AKAP11: variants seen among roughly 807,000 people sequenced by gnomAD.
AKAP11 encodes A-kinase anchor protein 11.
In AKAP11, 36 loss-of-function variants were observed where a neutral mutation model predicts 146.1. The observed-to-expected ratio is 0.25, with a 90% CI of 0.19 to 0.33. The LOEUF (loss-of-function observed/expected upper bound fraction) is 0.33. Among genes scored for constraint, AKAP11 ranks in the 10% least tolerant of loss-of-function variants. The pLI, the probability that AKAP11 is intolerant of heterozygous loss-of-function variation, is 1.00. For synonymous variants in AKAP11, 780 were observed against 786.5 expected (o/e 0.99, Z 0.14); for missense variants, 2,201 against 2,197.0 (o/e 1.00, Z -0.04).
chr13:42,299,588 T>C lies in AKAP11; in HGVS notation c.842T>C (p.Phe281Ser). The C allele has an allele frequency of 6.2e-7, 1 of 1,614,008 alleles. No homozygotes were observed. The highest frequency in any genetic ancestry group is 8.5e-7 in the Non-Finnish European group (1 of 1,179,892). ...TCAGAGCCTTGGACCCAAAGGAGTT[T>C]CTATAGGTCATCTAATGCTTCAGAT... is the stretch of plus-strand genomic sequence containing the variant. ...SISEPWTQRS[F>S]YRSSNASDKD... The change falls in exon 8 of 13, where the codon TTC becomes TCC. Residue 281 changes from phenylalanine to serine, a missense_variant. Around this residue, in one of 3 missense-constraint regions of AKAP11, gnomAD observed 331 missense variants for 347.4 expected, o/e 0.95. Transcript: ENST00000025301.
At chr13:42,317,863 T>C (rs540060913) in intron 12 of AKAP11, among the ~76,000 whole-genome samples, 175 bp downstream of exon 12, 1 of 152,286 alleles carries the variant, frequency 6.6e-6, no homozygotes, top group South Asian at 2.1e-4. Flanking sequence ...AGAGGCAGGT[T>C]CACCAGTCTG....
chr13:42,307,584 C>T (rs565660899), intron 8 of AKAP11, among the ~76,000 whole-genome samples: 40 of 151,986 alleles, frequency 2.6e-4, no homozygotes, highest in African/African-American at 8.2e-4. Flanking sequence ...TGGGAGTCAC[C>T]GAGAACAGAT....
At chr13:42,273,357 ATT>A (rs540410601) in intron 1 of AKAP11, among the ~76,000 whole-genome samples, 5 of 143,844 alleles carry the variant, frequency 3.5e-5, no homozygotes, top group African/African-American at 2.5e-5. Flanking sequence ...CAATTGAATG[ATT>A]TTTTTTTTTT....
chr13:42,305,471 G>A (rs146361164), intron 8 of AKAP11, among the ~76,000 whole-genome samples: 1 of 152,028 alleles, frequency 6.6e-6, no homozygotes, highest in East Asian at 1.9e-4. Context: ...GGGCCAATGT[G>A]GCCTACTGGT....
chr13:42,277,557 C>G (rs144032922), intron 1 of AKAP11, among the ~76,000 whole-genome samples: 1,546 of 152,290 alleles, frequency 0.01, 20 homozygotes, highest in Non-Finnish European at 0.016. Context: ...AATAATTTTT[C>G]TCTGTGACTG....
Position 42,299,379 on chromosome 13 carries a change from G to A in AKAP11, c.633G>A (p.Val211=), listed in dbSNP as rs1188582159. The change falls in exon 8 of 13, where the codon GTG becomes GTA. Residue 211 remains valine, a synonymous_variant. Transcript: ENST00000025301. ...TTCCTATAGGAATGAACATTACTGT[G>A]CTAAGGAGCCAGTGTGATGCTGCTT... The part of the protein sequence containing the change: ...KPYNDGMNIT[V]LRSQCDAASQ... The A allele has an allele frequency of 6.2e-7, 1 of 1,613,088 alleles. No homozygotes were observed.
intron 3 of AKAP11, among the ~76,000 whole-genome samples, chr13:42,286,629 A>G (rs957815665): frequency 6.6e-6 from 1 of 152,174 alleles, no homozygotes; most frequent in Non-Finnish European, 1.5e-5. Flanking sequence ...TTCTCTACAC[A>G]TAGATATCCA....
At position 42,302,795 on chromosome 13, in the gene AKAP11, T is replaced by C; in HGVS notation, c.4049T>C (p.Ile1350Thr). The C allele has an allele frequency of 1.2e-6, 2 of 1,614,096 alleles. No individual in the cohort carries two copies. The highest frequency in any genetic ancestry group is 1.1e-5 in the South Asian group (1 of 91,066). The change falls in exon 8 of 13, where the codon ATT (isoleucine) becomes ACT (threonine). Residue 1350 changes from isoleucine to threonine, a missense_variant. Ile to Thr is a moderately conservative substitution (Grantham distance 89). Transcript: ENST00000025301. Reference sequence around the variant, plus strand: ...ACAGATGAATATGCAGGTCACCTTATTCAGATACTAAAACAGGAAGGTGGT... The same window carrying C: ...ACAGATGAATATGCAGGTCACCTTACTCAGATACTAAAACAGGAAGGTGGT... ...SVTDEYAGHL[I>T]QILKQEGGNS...
chr13:42,314,030 A>G, intron 11 of AKAP11, 90 bp downstream of exon 11: 2 of 1,298,528 alleles, frequency 1.5e-6, no homozygotes, highest in South Asian at 1.2e-5. Context: ...GATAGGCTCT[A>G]GGTTATCAGT....
chr13:42,276,839 A>G (rs1183792241), intron 1 of AKAP11, among the ~76,000 whole-genome samples: 1 of 152,210 alleles, frequency 6.6e-6, no homozygotes, highest in Non-Finnish European at 1.5e-5. Flanking sequence ...TATATCTGTA[A>G]GAGCTACTTA....
chr13:42,301,668 TGGA>T lies in AKAP11; in HGVS notation c.2924_2926del (p.Gly975del), dbSNP rs1429399765. On this transcript the variant is annotated inframe_deletion, in exon 8 of 13. Coordinates refer to ENST00000025301, the MANE Select transcript of AKAP11 (RefSeq NM_016248.4). The stretch of plus-strand genomic sequence containing the variant: ...TATACAAGGAAAGCTTGCCTGTTTC[TGGA>T]GAAGAATCACAGTTGACACCAGAAA... The T allele has an allele frequency of 2.5e-6, 4 of 1,614,046 alleles. No homozygotes were observed. Among genetic ancestry groups the T allele is most frequent in the Admixed American group, 3.3e-5 (2 of 60,000 alleles).
Position 42,322,485 on chromosome 13 carries a change from A to AATATTTTTAAC in AKAP11, c.*3257_*3258insATATTTTTAAC, listed in dbSNP as rs1961129351. The AATATTTTTAAC allele has an allele frequency of 1.3e-5, 2 of 152,294 alleles. No individual in the cohort carries two copies. The highest frequency in any genetic ancestry group is 2.9e-5 in the Non-Finnish European group (2 of 67,986). 9.4% of individuals were successfully genotyped at this position (152,294 alleles called of 1,614,324 possible). A position where few individuals can be genotyped will look rare whatever the true frequency, so the allele number is the denominator to read the frequency against. ...AATATATTCAATTTCCCATCAGTAT[A>AATATTTTTAAC]TCACTTTAAATTTTATGTTTTTCTA... On this transcript the variant is annotated 3_prime_UTR_variant, in exon 13 of 13. Transcript: ENST00000025301.
rs1352175049 is a variant in AKAP11, at chr13:42,298,543, C to CT, written c.363dup (p.Gly122TrpfsTer16). The stretch of plus-strand genomic sequence containing the variant: ...TTTATCTTTCCCAAGAGTCATCCTT[C>CT]TGGAATGCTTTGTGTCATGAGAGTG... On this transcript the variant is annotated frameshift_variant, in exon 7 of 13. Coordinates refer to ENST00000025301, the MANE Select transcript of AKAP11 (RefSeq NM_016248.4). LOFTEE classifies it high-confidence loss of function. 1.9e-6 allele frequency: 3 copies of CT among 1,606,652 alleles called. No individual in the cohort carries two copies. The highest frequency in any genetic ancestry group is 2.5e-6 in the Non-Finnish European group (3 of 1,177,714).
At chr13:42,276,182 A>C (rs1481096362) in intron 1 of AKAP11, among the ~76,000 whole-genome samples, 2 of 152,142 alleles carry the variant, frequency 1.3e-5, no homozygotes, top group Non-Finnish European at 2.9e-5. Flanking sequence ...TTAGAGTAAC[A>C]TCTCCATCTC....
intron 1 of AKAP11, among the ~76,000 whole-genome samples, chr13:42,274,442 A>C (rs1046559843): frequency 3.3e-5 from 5 of 152,192 alleles, no homozygotes; most frequent in African/African-American, 1.2e-4. Context: ...CCAGGACTTT[A>C]GGAGGCTGAG....
Position 42,322,906 on chromosome 13 carries a change from A to T in AKAP11, c.*3678A>T, listed in dbSNP as rs929628235. The stretch of plus-strand genomic sequence containing the variant: ...CGGTTTTAATATTGCTGGATTTGCT[A>T]CCTTTGGTTACTTGTGCAGTGTTAA... On this transcript the variant is annotated 3_prime_UTR_variant, in exon 13 of 13. Transcript: ENST00000025301. The T allele has an allele frequency of 6.6e-6, 1 of 152,624 alleles. No homozygotes were observed. The highest frequency in any genetic ancestry group is 2.4e-5 in the African/African-American group (1 of 41,420). The allele number at this position is 152,624 out of a possible 1,614,324, so 9.5% of individuals were successfully genotyped here.
chr13:42,300,770 A>G lies in AKAP11; in HGVS notation c.2024A>G (p.Gln675Arg). The G allele has an allele frequency of 1.2e-6, 2 of 1,614,126 alleles. No individual in the cohort carries two copies. Among genetic ancestry groups the G allele is most frequent in the East Asian group, 2.2e-5 (1 of 44,894 alleles). ...FSYPQTPASP[Q>R]CGSFDFEDKV... Reference sequence around the variant, plus strand: ...TATCCTCAAACGCCTGCATCTCCACAGTGTGGGTCGTTTGACTTTGAAGAC... The same window carrying G: ...TATCCTCAAACGCCTGCATCTCCACGGTGTGGGTCGTTTGACTTTGAAGAC... The change falls in exon 8 of 13, where the codon CAG becomes CGG. Residue 675 changes from glutamine (Q) to arginine (R), a missense_variant. This residue lies in a region of AKAP11 where 1,867 missense variants were observed against 1,833.5 expected (regional missense o/e 1.02). Transcript: ENST00000025301.
At chr13:42,281,005 A>G (rs1277693482) in intron 1 of AKAP11, among the ~76,000 whole-genome samples, 3 of 152,156 alleles carry the variant, frequency 2.0e-5, no homozygotes, top group Non-Finnish European at 4.4e-5. Flanking sequence ...AGAAAGTTTT[A>G]TTTACCTTTT....
chr13:42,305,761 C>T (rs1960222789), intron 8 of AKAP11, among the ~76,000 whole-genome samples: 1 of 152,104 alleles, frequency 6.6e-6, no homozygotes, highest in South Asian at 2.1e-4. Context: ...TTTCACACTG[C>T]TATAAAGATA....
Sources: allele counts gnomAD v4.1 joint callset (sites outside exome capture counted in the v4.1 genomes callset), GRCh38; gene constraint gnomAD v4.1.1; regional missense constraint gnomAD v4.1.1; transcripts MANE v1.5; gene names NCBI Gene and HGNC (gene_info 2026-07-23, HGNC 2026-07-21).